The following KYAT1 variants were observed in gnomAD, a reference collection of about 807,000 sequenced individuals.
KYAT1 encodes kynurenine aminotransferase 1.
A neutral mutation model predicts 52.4 loss-of-function variants in KYAT1; 47 were observed. The observed-to-expected ratio is 0.90, with a 90% CI of 0.71 to 1.14. The LOEUF is 1.14. Among genes scored for constraint, KYAT1 ranks in the 50% most tolerant of loss-of-function variants. The probability of loss-of-function intolerance (pLI) is 0.00; values close to 1 mark genes in which losing one functional copy is unlikely to be tolerated. For missense variants in KYAT1, 480 were observed against 557.9 expected (o/e 0.86, Z 1.41); for synonymous variants, 212 against 209.6 (o/e 1.01, Z -0.10).
intron 1 of KYAT1, among the ~76,000 whole-genome samples, chr9:128,875,773 A>G (rs922618132): frequency 6.6e-6 from 1 of 152,122 alleles, no homozygotes; most frequent in African/African-American, 2.4e-5. Context: ...CTAAGATCTG[A>G]GGCCTCCCTG....
chr9:128,845,963 C>T (rs1833027927), intron 1 of KYAT1, among the ~76,000 whole-genome samples: 1 of 152,184 alleles, frequency 6.6e-6, no homozygotes, highest in African/African-American at 2.4e-5. Flanking sequence ...GTGTTTAAGG[C>T]CACACAACAC....
At chr9:128,848,724 G>A (rs900588831) in intron 1 of KYAT1, among the ~76,000 whole-genome samples, 1 of 149,472 alleles carries the variant, frequency 6.7e-6, no homozygotes, top group Non-Finnish European at 1.5e-5. Context: ...GGCTGAGGCA[G>A]AAGAATCACT....
At chr9:128,852,235 A>C (rs79669229) in intron 1 of KYAT1, among the ~76,000 whole-genome samples, 2 of 152,232 alleles carry the variant, frequency 1.3e-5, no homozygotes, top group Non-Finnish European at 2.9e-5. Context: ...TGTTAATGCC[A>C]TAATACAACC....
chr9:128,833,890 G>T, intron 11 of KYAT1, 64 bp from the exon 12 acceptor site: 1 of 1,308,206 alleles, frequency 7.6e-7, no homozygotes, highest in East Asian at 2.3e-5. Context: ...GGCTCCGGAG[G>T]GGACAGAGAG....
intron 1 of KYAT1, among the ~76,000 whole-genome samples, chr9:128,877,053 C>A (rs1156933022): frequency 2.0e-5 from 3 of 152,050 alleles, no homozygotes; most frequent in Non-Finnish European, 4.4e-5. Context: ...CACCCACCAT[C>A]ATGCTCGGCT....
chr9:128,863,979 C>T lies in KYAT1; in HGVS notation c.-7+17918G>A, dbSNP rs111414550. ...TAGGAAGCAGGCCTTCCCTAGTCAGCTCCTCAACAGCCCTGGCAGTCACCT... is the reference window on the plus strand; with the variant it reads ...TAGGAAGCAGGCCTTCCCTAGTCAGTTCCTCAACAGCCCTGGCAGTCACCT... On this transcript the variant is annotated intron_variant, in intron 1 of 12. Coordinates refer to ENST00000302586, the MANE Select transcript of KYAT1 (RefSeq NM_004059.5). Among the ~76,000 whole-genome samples the T allele has an allele frequency of 7.9e-3, 1,196 of 152,120 alleles. 20 individuals are homozygous for T. Among genetic ancestry groups the T allele is most frequent in the African/African-American group, 0.028 (1,154 of 41,436 alleles).
chr9:128,845,263 C>G, intron 2 of KYAT1, 90 bp downstream of exon 2: 1 of 996,848 alleles, frequency 1.0e-6, no homozygotes. Context: ...CCGCCACCAT[C>G]TGGAGTACTA....
At chr9:128,860,285 A>T (rs2130654941) in intron 1 of KYAT1, 1 of 152,254 alleles carries the variant, frequency 6.6e-6, no homozygotes, top group East Asian at 1.9e-4. Flanking sequence ...CCTCACAGAC[A>T]CACCCAGAAG....
At chr9:128,870,414 G>A (rs1193854623) in intron 1 of KYAT1, among the ~76,000 whole-genome samples, 1 of 152,172 alleles carries the variant, frequency 6.6e-6, no homozygotes, top group Admixed American at 6.6e-5. Flanking sequence ...TTGGAAGGCT[G>A]ACGTGGGAGG....
chr9:128,867,473 C>T (rs186140155), intron 1 of KYAT1, among the ~76,000 whole-genome samples: 6 of 152,030 alleles, frequency 3.9e-5, no homozygotes, highest in Non-Finnish European at 7.4e-5. Flanking sequence ...GCCAGTGCAC[C>T]CAGCCCTAAA....
chr9:128,868,688 C>T (rs1344525642), intron 1 of KYAT1, among the ~76,000 whole-genome samples: 2 of 151,830 alleles, frequency 1.3e-5, no homozygotes, highest in Admixed American at 6.6e-5. Context: ...AGGCACATGC[C>T]ACCATGCCTG....
intron 1 of KYAT1, among the ~76,000 whole-genome samples, chr9:128,878,697 C>T (rs978953044): frequency 1.3e-5 from 2 of 152,142 alleles, no homozygotes; most frequent in Admixed American, 6.6e-5. Flanking sequence ...GAAATGACTT[C>T]TGGAGTCCAG....
intron 1 of KYAT1, among the ~76,000 whole-genome samples, chr9:128,854,202 T>C (rs994665418): frequency 2.6e-5 from 4 of 152,134 alleles, no homozygotes; most frequent in African/African-American, 9.7e-5. Flanking sequence ...CAAAGCTCAA[T>C]TGGTTAAACA....
chr9:128,840,608 T>C, intron 3 of KYAT1: 2 of 435,098 alleles, frequency 4.6e-6, no homozygotes, highest in Non-Finnish European at 9.1e-6. Flanking sequence ...AAAAGATACA[T>C]ACCCAAATGA....
chr9:128,874,150 G>A (rs1489904552), intron 1 of KYAT1, among the ~76,000 whole-genome samples: 5 of 151,532 alleles, frequency 3.3e-5, no homozygotes, highest in Non-Finnish European at 5.9e-5. Flanking sequence ...CAGCTACTCA[G>A]GAGGCTGAGA....
chr9:128,842,890 G>A (rs965128400), intron 2 of KYAT1, 89 bp from the exon 3 acceptor site: 41 of 1,390,972 alleles, frequency 2.9e-5, no homozygotes, highest in Admixed American at 4.1e-5. Context: ...CAACCGGCCA[G>A]GTGTGGTGGC....
chr9:128,844,309 C>T (rs543210429), intron 2 of KYAT1, among the ~76,000 whole-genome samples: 4 of 152,166 alleles, frequency 2.6e-5, no homozygotes, highest in South Asian at 2.1e-4. Context: ...TTTGGAAGGC[C>T]GAGGAGGGCA....
rs1430486826 is a variant in KYAT1, at chr9:128,877,385, A to G, written c.-7+4512T>C. Among the ~76,000 whole-genome samples, 2 of 151,696 alleles carry G rather than the reference A, an allele frequency of 1.3e-5. 1 individual carries two copies. The highest frequency in any genetic ancestry group is 2.9e-5 in the Non-Finnish European group (2 of 67,940). ...TACCTGTGCCTGACCCTCTCCCCCA[A>G]CCCCATGCTAAATTCTCTAATCCTC... On this transcript the variant is annotated intron_variant, in intron 1 of 12. Transcript: ENST00000302586.
intron 1 of KYAT1, among the ~76,000 whole-genome samples, chr9:128,863,809 C>T (rs894078854): frequency 6.6e-6 from 1 of 152,164 alleles, no homozygotes; most frequent in Non-Finnish European, 1.5e-5. Flanking sequence ...CACAGAGCAA[C>T]CTGCTGGCCC....
Sources: gnomAD v4.1 joint callset for allele counts (sites outside exome capture counted in the v4.1 genomes callset) on GRCh38, gnomAD v4.1.1 for gene constraint, MANE v1.5 for transcripts, NCBI Gene and HGNC (gene_info 2026-07-23, HGNC 2026-07-21) for gene names.